Variants in RASSF3 observed in about 807,000 individuals in gnomAD.
RASSF3 encodes the protein Ras association domain family member 3.
Under a neutral mutation model 19.9 loss-of-function variants are expected in RASSF3, and 19 were observed. That is an observed-to-expected ratio of 0.96 (90% confidence interval 0.67 to 1.40). The LOEUF (loss-of-function observed/expected upper bound fraction) is 1.40, where lower values mean the gene tolerates loss of function less well. Ranked by LOEUF, RASSF3 falls within the 40% of genes most tolerant of loss-of-function variation. The pLI, the probability that RASSF3 is intolerant of heterozygous loss-of-function variation, is 0.00. For missense variants in RASSF3, 306 were observed against 289.8 expected, an observed-to-expected ratio of 1.06 and a Z score of -0.41; for synonymous variants, 110 against 104.2, an observed-to-expected ratio of 1.06 and a Z score of -0.34.
chr12:64,523,489 C>T (rs922148693), intron 1 of RASSF3, among the ~76,000 whole-genome samples: 3 of 152,062 alleles, frequency 2.0e-5, no homozygotes, highest in Non-Finnish European at 4.4e-5. Flanking sequence ...ACCTGAGGTT[C>T]CAAAAAGCTC....
At chr12:64,659,295 T>A (rs1450745899) in intron 1 of RASSF3, among the ~76,000 whole-genome samples, 2 of 152,134 alleles carry the variant, frequency 1.3e-5, no homozygotes. Flanking sequence ...TAGCACAGTT[T>A]GAGATATAAA....
At chr12:64,546,294 G>A (rs1459599872), downstream of RASSF3, among the ~76,000 whole-genome samples, 1 of 151,782 alleles carries the variant, frequency 6.6e-6, no homozygotes, top group Non-Finnish European at 1.5e-5. Context: ...ATTTTGAGAC[G>A]GAGTCTCGCT....
chr12:64,578,914 G>A (rs976354662), intron 2 of RASSF3, among the ~76,000 whole-genome samples: 8 of 152,222 alleles, frequency 5.3e-5, no homozygotes, highest in Non-Finnish European at 1.2e-4. Context: ...GGAAGCCGAG[G>A]TGGGTGGATC....
chr12:64,645,560 G>T (rs1366956787), intron 1 of RASSF3, among the ~76,000 whole-genome samples: 2 of 151,986 alleles, frequency 1.3e-5, no homozygotes, highest in East Asian at 3.9e-4. Flanking sequence ...TTTATTTTGA[G>T]AAGTTTGTGT....
chr12:64,680,780 A>G (rs1197134877), intron 1 of RASSF3, among the ~76,000 whole-genome samples: 3 of 151,660 alleles, frequency 2.0e-5, no homozygotes, highest in Non-Finnish European at 4.4e-5. Context: ...TGCCCAGCTA[A>G]TTTTTGTATT....
At chr12:64,528,648 C>A (rs1225565909), upstream of RASSF3, among the ~76,000 whole-genome samples, 2 of 152,136 alleles carry the variant, frequency 1.3e-5, no homozygotes, top group African/African-American at 4.8e-5. Context: ...CAAAGGAAAC[C>A]TCCCTTTAGC....
intron 2 of RASSF3, among the ~76,000 whole-genome samples, chr12:64,587,158 G>A (rs1212881311): frequency 8.5e-5 from 12 of 141,528 alleles, no homozygotes; most frequent in African/African-American, 3.1e-4. Flanking sequence ...GGGTTCAAGC[G>A]ATTCTCCTGT....
At chr12:64,650,408 C>CTTTTTT (rs67304103) in intron 1 of RASSF3, among the ~76,000 whole-genome samples, 42 of 85,466 alleles carry the variant, frequency 4.9e-4, no homozygotes, top group African/African-American at 8.7e-4. Flanking sequence ...TTTTTTTTTC[C>CTTTTTT]TTTTTTTTTT....
At chr12:64,688,134 C>A in intron 2 of RASSF3, 82 bp from the exon 3 acceptor site, 1 of 923,576 alleles carries the variant, frequency 1.1e-6, no homozygotes, top group Non-Finnish European at 1.8e-6. Flanking sequence ...AGTGTTTCAC[C>A]TTCCCGTTTT....
downstream of RASSF3, among the ~76,000 whole-genome samples, chr12:64,542,957 T>A (rs1868959976): frequency 6.6e-6 from 1 of 151,786 alleles, no homozygotes; most frequent in Admixed American, 6.6e-5. Context: ...GAACCGGGGC[T>A]GCGCGCCAGC....
chr12:64,560,864 G>C (rs1202858986), intron 2 of RASSF3, among the ~76,000 whole-genome samples: 1 of 152,228 alleles, frequency 6.6e-6, no homozygotes, highest in African/African-American at 2.4e-5. Flanking sequence ...AGACGGGGAA[G>C]GAAGGAGGAT....
At chr12:64,599,935 G>A (rs549037115) in intron 2 of RASSF3, among the ~76,000 whole-genome samples, 1 of 150,828 alleles carries the variant, frequency 6.6e-6, no homozygotes, top group African/African-American at 2.4e-5. Context: ...GGGAGGCTGA[G>A]GAAGGAGAAT....
intron 1 of RASSF3, among the ~76,000 whole-genome samples, chr12:64,521,346 G>A (rs1256996044): frequency 6.6e-6 from 1 of 152,194 alleles, no homozygotes; most frequent in Non-Finnish European, 1.5e-5. Flanking sequence ...AGTTCCTCTT[G>A]TGAGGCTGAG....
intron 1 of RASSF3, among the ~76,000 whole-genome samples, chr12:64,612,391 A>T (rs1870400436): frequency 6.6e-6 from 1 of 151,774 alleles, no homozygotes; most frequent in African/African-American, 2.4e-5. Flanking sequence ...GGGCCAAACT[A>T]TTCAGGTTTG....
Position 64,562,236 on chromosome 12 carries a change from T to C in RASSF3, c.294+20531T>C, listed in dbSNP as rs1476980217. ...TAGTATTTTTGGTAGAGACAGAGTT[T>C]CGCCATGTTGGCCAGCCTGGTCTCA... On this transcript the variant is annotated intron_variant, in intron 2 of 5. Coordinates refer to the RASSF3 transcript ENST00000637125. Among the ~76,000 whole-genome samples the C allele has an allele frequency of 3.3e-5, 5 of 151,986 alleles. No homozygotes were observed. The East Asian group carries it at 9.7e-4, about 29-fold the overall frequency.
chr12:64,668,928 CA>C (rs1189668547), intron 1 of RASSF3, among the ~76,000 whole-genome samples: 2 of 151,016 alleles, frequency 1.3e-5, no homozygotes, highest in East Asian at 4.0e-4. Context: ...CTCGGCCTCC[CA>C]AAGTGCTGGG....
At chr12:64,595,220 A>G (rs1219717142) in intron 2 of RASSF3, among the ~76,000 whole-genome samples, 1 of 151,826 alleles carries the variant, frequency 6.6e-6, no homozygotes, top group Non-Finnish European at 1.5e-5. Context: ...GTTGTGTGCC[A>G]CCACGCCAGG....
chr12:64,616,543 C>T (rs116715723), intron 1 of RASSF3, among the ~76,000 whole-genome samples: 2,792 of 152,310 alleles, frequency 0.018, 44 homozygotes, highest in Non-Finnish European at 0.027. Flanking sequence ...CAGTTTGAAA[C>T]GTGTATTTCA....
At chr12:64,576,316 C>A (rs11175457) in intron 2 of RASSF3, among the ~76,000 whole-genome samples, 68,571 of 151,676 alleles carry the variant, frequency 0.45, 17,004 homozygotes, top group Non-Finnish European at 0.56. Flanking sequence ...CCTTCTGGAA[C>A]GGTTGAATAT....
Sources: gnomAD v4.1 joint callset for allele counts (sites outside exome capture counted in the v4.1 genomes callset) on GRCh38, gnomAD v4.1.1 for gene constraint, MANE v1.5 for transcripts, NCBI Gene and HGNC (gene_info 2026-07-23, HGNC 2026-07-21) for gene names.